NFIB: variants seen among roughly 807,000 people sequenced by gnomAD.
The protein encoded by NFIB is nuclear factor I B.
NFIB carries 11 observed loss-of-function variants against 61.5 expected under a neutral mutation model. The ratio of observed to expected loss-of-function variants is 0.18; its 90% CI spans 0.11 to 0.30. The LOEUF is 0.30. Among genes scored for constraint, NFIB ranks in the 10% least tolerant of loss-of-function variants. The pLI is 1.00. For synonymous variants in NFIB, 260 were observed against 216.5 expected, an observed-to-expected ratio of 1.20 and a Z score of -1.76; for missense variants, 471 against 608.9, an observed-to-expected ratio of 0.77 and a Z score of 2.38.
intron 1 of NFIB, chr9:14,322,485 C>G (rs2060686345): frequency 4.4e-6 from 1 of 229,184 alleles, no homozygotes; most frequent in East Asian, 6.1e-5. Flanking sequence ...GGGGCTGCCC[C>G]GGAACCGCCA....
intron 2 of NFIB, among the ~76,000 whole-genome samples, chr9:14,225,268 A>G (rs1563920019): frequency 3.9e-5 from 6 of 151,996 alleles, no homozygotes; most frequent in Admixed American, 2.6e-4. Context: ...TATAAATCCC[A>G]TTCTTAAGAA....
chr9:14,339,280 T>G (rs182054113), intron 1 of NFIB, among the ~76,000 whole-genome samples: 76 of 152,336 alleles, frequency 5.0e-4, no homozygotes, highest in African/African-American at 1.7e-3. Flanking sequence ...ATTATTGTTG[T>G]TGCTGTGATT....
chr9:14,082,949 T>C lies in NFIB; in HGVS notation c.*5360A>G, dbSNP rs1326530052. 1 of 207,374 alleles carries C rather than the reference T, an allele frequency of 4.8e-6. No homozygotes were observed. Among genetic ancestry groups the C allele is most frequent in the Non-Finnish European group, 9.8e-6 (1 of 101,572 alleles). 12.8% of individuals were successfully genotyped at this position (207,374 alleles called of 1,614,324 possible). ...TATTTAGGCCACCTGTTGTTCCTGGTACTGTATCATGCAATAAGTCATCAA... is the reference window on the plus strand; with the variant it reads ...TATTTAGGCCACCTGTTGTTCCTGGCACTGTATCATGCAATAAGTCATCAA... On this transcript the variant is annotated 3_prime_UTR_variant, in exon 11 of 11. Transcript: ENST00000380953.
the NFIB span, among the ~76,000 whole-genome samples, chr9:14,471,772 G>A: frequency 6.6e-6 from 1 of 152,162 alleles, no homozygotes; most frequent in Admixed American, 6.5e-5. Context: ...AAGCTAATTT[G>A]CGACAATCAG....
At chr9:14,366,561 C>T (rs1271500493) in intron 1 of NFIB, among the ~76,000 whole-genome samples, 1 of 152,040 alleles carries the variant, frequency 6.6e-6, no homozygotes, top group Non-Finnish European at 1.5e-5. Context: ...TCTCAGCTCA[C>T]TGCAACCTCC....
rs148157662 is a variant in NFIB, at chr9:14,097,498, C to T, written c.1468-9172G>A. On this transcript the variant is annotated intron_variant, in intron 10 of 10. Transcript: ENST00000380953. ...ACAAACTGAGAGCAGGAAATGCTAA[C>T]CTAGTGAATTCGCGGGGATGTTCTA... Among the ~76,000 whole-genome samples, 401 of 152,230 alleles carry T rather than the reference C, an allele frequency of 2.6e-3. 4 individuals are homozygous for T. Among genetic ancestry groups the T allele is most frequent in the Non-Finnish European group, 4.3e-3 (295 of 68,016 alleles).
At chr9:14,100,128 A>C (rs1007321966) in intron 10 of NFIB, among the ~76,000 whole-genome samples, 1 of 152,206 alleles carries the variant, frequency 6.6e-6, no homozygotes, top group Non-Finnish European at 1.5e-5. Flanking sequence ...AGCTTTTAGG[A>C]TCATTAAGAC....
intron 2 of NFIB, among the ~76,000 whole-genome samples, chr9:14,281,515 C>T (rs534125938): frequency 2.3e-4 from 35 of 152,300 alleles, no homozygotes; most frequent in Non-Finnish European, 3.8e-4. Flanking sequence ...CCCTATAATT[C>T]CTACTGGCTG....
At chr9:14,462,828 T>G in the NFIB span, among the ~76,000 whole-genome samples, 1 of 152,220 alleles carries the variant, frequency 6.6e-6, no homozygotes, top group Non-Finnish European at 1.5e-5. Context: ...CACAAGGCCA[T>G]AGCCAATCAG....
At chr9:14,376,517 C>CTTTTTTTTTTTTTTTTTTTTTTTTTTTTT (rs781462864) in intron 1 of NFIB, among the ~76,000 whole-genome samples, 2 of 128,430 alleles carry the variant, frequency 1.6e-5, no homozygotes, top group African/African-American at 3.7e-5. Flanking sequence ...CTAAAAGTGT[C>CTTTTTTTTTTTTTTTTTTTTTTTTTTTTT]ATTTTTTTTT....
At chr9:14,314,242 A>C, upstream of NFIB, 4 of 756,256 alleles carry the variant, frequency 5.3e-6, no homozygotes, top group Non-Finnish European at 6.5e-6. Flanking sequence ...GCGAGCGCTG[A>C]TCTCTGGGGC....
intron 10 of NFIB, among the ~76,000 whole-genome samples, chr9:14,105,505 G>C (rs1277525686): frequency 6.6e-6 from 1 of 152,120 alleles, no homozygotes; most frequent in Admixed American, 6.6e-5. Context: ...ACTTGAGCAA[G>C]AGCCTCTCTC....
chr9:14,365,001 G>C (rs988970479), intron 1 of NFIB, among the ~76,000 whole-genome samples: 3 of 152,126 alleles, frequency 2.0e-5, no homozygotes, highest in African/African-American at 7.2e-5. Context: ...TATGTTTTCT[G>C]AGGCACGTTA....
chr9:14,356,274 G>A (rs1444465867), intron 1 of NFIB, among the ~76,000 whole-genome samples: 1 of 152,150 alleles, frequency 6.6e-6, no homozygotes, highest in Admixed American at 6.5e-5. Flanking sequence ...GAAAAAGAAA[G>A]GCACAGATAC....
chr9:14,340,205 A>C (rs1276497931), intron 1 of NFIB, among the ~76,000 whole-genome samples: 1 of 152,076 alleles, frequency 6.6e-6, no homozygotes, highest in South Asian at 2.1e-4. Context: ...TTTTCCTACC[A>C]CATTTTAACT....
the NFIB span, among the ~76,000 whole-genome samples, chr9:14,439,243 G>T: frequency 6.6e-6 from 1 of 152,112 alleles, no homozygotes; most frequent in Non-Finnish European, 1.5e-5. Context: ...GGTAGCACAG[G>T]CCTGTAGTCC....
rs1309990730 is a variant in NFIB at position 14,084,300 on chromosome 9, AAAAAATTC to A, written c.*4001_*4008del. On this transcript the variant is annotated 3_prime_UTR_variant, in exon 11 of 11. Coordinates refer to ENST00000380953, the MANE Select transcript of NFIB (RefSeq NM_001190737.2). ...TACAAACATGGGAATTTTAATTTAA[AAAAAATTC>A]TTAACAAAACTATACAGTGTACAAA... 9.7e-6 allele frequency: 2 copies of A among 206,734 alleles called. No homozygotes were observed. Among genetic ancestry groups the A allele is most frequent in the Non-Finnish European group, 2.0e-5 (2 of 101,054 alleles). 12.8% of individuals were successfully genotyped at this position (206,734 alleles called of 1,614,324 possible).
chr9:14,150,583 C>T (rs1179525148), intron 4 of NFIB, among the ~76,000 whole-genome samples: 2 of 152,042 alleles, frequency 1.3e-5, no homozygotes, highest in African/African-American at 4.8e-5. Context: ...TTAAAAATGC[C>T]TTGGAGGAAA....
intron 10 of NFIB, among the ~76,000 whole-genome samples, chr9:14,109,218 C>A (rs1395015168): frequency 6.6e-6 from 1 of 151,980 alleles, no homozygotes; most frequent in Non-Finnish European, 1.5e-5. Context: ...AAAATAATTT[C>A]TATATTTCCT....
Sources: gnomAD v4.1 joint callset for allele counts (sites outside exome capture counted in the v4.1 genomes callset) on GRCh38, gnomAD v4.1.1 for gene constraint, MANE v1.5 for transcripts, NCBI Gene and HGNC (gene_info 2026-07-23, HGNC 2026-07-21) for gene names.